The following ITGB6 variants were observed in gnomAD, a reference collection of about 807,000 sequenced individuals.
ITGB6 encodes the protein integrin beta-6.
In ITGB6, 80 loss-of-function variants were observed where a neutral mutation model predicts 84.5. The observed-to-expected ratio is 0.95, with a 90% CI of 0.79 to 1.14. The LOEUF (loss-of-function observed/expected upper bound fraction) is 1.14, where lower values mean the gene tolerates loss of function less well. ITGB6 is among the 50% of genes most tolerant of loss of function. The pLI is 0.00. For missense variants in ITGB6, 1,006 were observed against 968.0 expected (o/e 1.04, Z -0.52); for synonymous variants, 383 against 354.9 (o/e 1.08, Z -0.89).
chr2:160,111,477 T>C (rs1682509998), intron 13 of ITGB6, among the ~76,000 whole-genome samples: 1 of 152,120 alleles, frequency 6.6e-6, no homozygotes, highest in Non-Finnish European at 1.5e-5. Flanking sequence ...TTGATTTACA[T>C]GAGATTTTTC....
chr2:160,151,703 G>A (rs1040293374), intron 7 of ITGB6, among the ~76,000 whole-genome samples: 2 of 151,772 alleles, frequency 1.3e-5, no homozygotes, highest in Non-Finnish European at 2.9e-5. Context: ...CCACTAGCAA[G>A]ACTAATAAAG....
At chr2:160,102,471 C>G (rs763756393) in intron 14 of ITGB6, among the ~76,000 whole-genome samples, 5 of 152,164 alleles carry the variant, frequency 3.3e-5, no homozygotes, top group Non-Finnish European at 5.9e-5. Context: ...TTACTATGTA[C>G]AACACTGTGT....
At chr2:160,157,471 C>T (rs893522812) in intron 7 of ITGB6, among the ~76,000 whole-genome samples, 2 of 152,256 alleles carry the variant, frequency 1.3e-5, no homozygotes, top group East Asian at 3.9e-4. Flanking sequence ...TCTTCTCCAC[C>T]AGGCCTCTGC....
intron 6 of ITGB6, 79 bp from the exon 7 acceptor site, chr2:160,169,386 C>T (rs1685122526): frequency 2.4e-6 from 2 of 829,224 alleles, no homozygotes; most frequent in Admixed American, 2.5e-5. Context: ...TTCAAAGATA[C>T]CTTTTTGAGT....
chr2:160,172,447 C>T (rs1420646508), intron 6 of ITGB6, 122 bp downstream of exon 6: 3 of 955,848 alleles, frequency 3.1e-6, no homozygotes, highest in Non-Finnish European at 4.6e-6. Flanking sequence ...ACTTGTTAAT[C>T]CCACATTAGA....
At chr2:160,170,514 C>A (rs1685160455) in intron 6 of ITGB6, among the ~76,000 whole-genome samples, 1 of 152,210 alleles carries the variant, frequency 6.6e-6, no homozygotes. Context: ...TTCCCACACT[C>A]CTTAGCTGCT....
chr2:160,184,476 G>C (rs1256815370), intron 4 of ITGB6, among the ~76,000 whole-genome samples: 1 of 152,194 alleles, frequency 6.6e-6, no homozygotes, highest in African/African-American at 2.4e-5. Flanking sequence ...CTGAAATTGA[G>C]ATAGTAATTA....
intron 4 of ITGB6, among the ~76,000 whole-genome samples, chr2:160,181,161 G>C (rs1388419527): frequency 1.3e-5 from 2 of 152,120 alleles, no homozygotes; most frequent in Non-Finnish European, 1.5e-5. Context: ...CCTGAAAAGG[G>C]GGCTGAAGCC....
intron 4 of ITGB6, among the ~76,000 whole-genome samples, chr2:160,180,129 C>T (rs201117659): frequency 1.4e-5 from 2 of 138,360 alleles, no homozygotes. Context: ...AAAAAAAAAA[C>T]AAACAAAAAA....
At position 160,137,634 on chromosome 2, in the gene ITGB6, C is replaced by T. The variant is rs193920975; in HGVS notation, c.1460G>A (p.Gly487Glu). Residue 487 changes from glycine to glutamate, a missense_variant, in exon 10 of 15, where the codon GGG becomes GAG. Transcript: ENST00000283249. ...GTCCTCGCCACACTCACAGCGAGGC[C>T]CCATGTGGCCAGGGTGGCAGGCACA... ...GVCACHPGHM[G>E]PRCECGEDML... 2 of 1,614,202 alleles carry T rather than the reference C, an allele frequency of 1.2e-6. No homozygotes were observed. The highest frequency in any genetic ancestry group is 1.1e-5 in the South Asian group (1 of 91,076).
chr2:160,180,788 C>G (rs919906366), intron 4 of ITGB6, among the ~76,000 whole-genome samples: 6 of 152,084 alleles, frequency 3.9e-5, no homozygotes, highest in Admixed American at 3.3e-4. Flanking sequence ...ACTGAGGTAC[C>G]CAGCTCATCT....
intron 12 of ITGB6, among the ~76,000 whole-genome samples, chr2:160,115,533 A>G (rs1427388076): frequency 6.6e-6 from 1 of 152,224 alleles, no homozygotes; most frequent in Non-Finnish European, 1.5e-5. Context: ...ATCAAAGACC[A>G]AAAGTAGATA....
At chr2:160,174,601 C>T (rs1574120777) in intron 4 of ITGB6, among the ~76,000 whole-genome samples, 1 of 152,160 alleles carries the variant, frequency 6.6e-6, no homozygotes, top group East Asian at 1.9e-4. Context: ...CCCAGGTCTG[C>T]CTGCCAAGGG....
At chr2:160,174,212 A>C in intron 4 of ITGB6, 73 bp from the exon 5 acceptor site, 1 of 1,119,322 alleles carries the variant, frequency 8.9e-7, no homozygotes, top group East Asian at 2.5e-5. Context: ...CTAATAGCTT[A>C]GCAACATTCT....
intron 10 of ITGB6, among the ~76,000 whole-genome samples, chr2:160,129,510 C>T (rs1043562139): frequency 6.6e-6 from 1 of 151,968 alleles, no homozygotes; most frequent in East Asian, 1.9e-4. Context: ...CGGTACCTGG[C>T]CCATAAATAA....
intron 4 of ITGB6, among the ~76,000 whole-genome samples, chr2:160,178,670 T>TTCTCTC (rs1169328146): frequency 1.6e-5 from 2 of 126,412 alleles, no homozygotes; most frequent in East Asian, 4.3e-4. Flanking sequence ...CTCTCTATCT[T>TTCTCTC]TCTCTCTCTC....
chr2:160,125,447 G>A (rs188368207), intron 11 of ITGB6, among the ~76,000 whole-genome samples: 15 of 152,230 alleles, frequency 9.9e-5, no homozygotes, highest in African/African-American at 3.4e-4. Context: ...ACCTTGAAGG[G>A]ACATTTTCCA....
chr2:160,154,703 A>T (rs922660821), intron 7 of ITGB6, among the ~76,000 whole-genome samples: 9 of 144,574 alleles, frequency 6.2e-5, no homozygotes, highest in Admixed American at 2.7e-4. Context: ...TGAATAGTTT[A>T]AAAAAAAAAA....
At chr2:160,151,028 C>T (rs1459438826) in intron 7 of ITGB6, among the ~76,000 whole-genome samples, 1 of 152,030 alleles carries the variant, frequency 6.6e-6, no homozygotes, top group Non-Finnish European at 1.5e-5. Flanking sequence ...TCTCATTAGA[C>T]AGATAAACAA....
Sources: gnomAD v4.1 joint callset for allele counts (sites outside exome capture counted in the v4.1 genomes callset) on GRCh38, gnomAD v4.1.1 for gene constraint, MANE v1.5 for transcripts, NCBI Gene and HGNC (gene_info 2026-07-23, HGNC 2026-07-21) for gene names.